The following HSD17B3 variants were observed in gnomAD, a reference collection of about 807,000 sequenced individuals.
The protein encoded by HSD17B3 is hydroxysteroid 17-beta dehydrogenase 3.
Under a neutral mutation model 41.1 loss-of-function variants are expected in HSD17B3, and 29 were observed. The observed-to-expected ratio is 0.71, with a 90% CI of 0.53 to 0.96. The LOEUF (loss-of-function observed/expected upper bound fraction) is 0.96, where lower values mean the gene tolerates loss of function less well. Ranked by LOEUF, HSD17B3 falls within the 40% of genes least tolerant of loss-of-function variation. The pLI, the probability that HSD17B3 is intolerant of heterozygous loss-of-function variation, is 0.00. For missense variants in HSD17B3, 323 were observed against 374.6 expected, an observed-to-expected ratio of 0.86 and a Z score of 1.14; for synonymous variants, 126 against 145.6, an observed-to-expected ratio of 0.87 and a Z score of 0.97.
At chr9:96,244,141 G>A in intron 9 of HSD17B3, 188 bp downstream of exon 9, 1 of 683,072 alleles carries the variant, frequency 1.5e-6, no homozygotes, top group Middle Eastern at 3.1e-4. Flanking sequence ...AGCAGCAGGT[G>A]GGACTGAGGC....
intron 1 of HSD17B3, among the ~76,000 whole-genome samples, chr9:96,301,384 C>CT (rs1827595328): frequency 7.5e-6 from 1 of 134,034 alleles, no homozygotes; most frequent in South Asian, 2.4e-4. Context: ...TGAGACCAGC[C>CT]TAGCCAACAG....
At chr9:96,271,104 T>C (rs1464897584) in intron 2 of HSD17B3, among the ~76,000 whole-genome samples, 1 of 152,074 alleles carries the variant, frequency 6.6e-6, no homozygotes, top group Non-Finnish European at 1.5e-5. Context: ...AAGAGGCAAC[T>C]TACAAAATTA....
intron 2 of HSD17B3, among the ~76,000 whole-genome samples, chr9:96,260,138 T>A (rs558043576): frequency 1.3e-5 from 2 of 152,294 alleles, no homozygotes; most frequent in African/African-American, 4.8e-5. Context: ...TTAAGAACAT[T>A]TACATCTGTT....
chr9:96,261,016 T>A (rs1158903005), intron 2 of HSD17B3, among the ~76,000 whole-genome samples: 3 of 152,198 alleles, frequency 2.0e-5, no homozygotes, highest in Admixed American at 1.3e-4. Context: ...TCTCCTTTTT[T>A]GCCTGAATTA....
intron 2 of HSD17B3, among the ~76,000 whole-genome samples, chr9:96,270,411 G>C (rs1039704117): frequency 2.0e-5 from 3 of 152,186 alleles, no homozygotes; most frequent in Admixed American, 6.6e-5. Context: ...CAAATCTAGA[G>C]GAACATAAAA....
intron 2 of HSD17B3, among the ~76,000 whole-genome samples, chr9:96,267,149 A>G (rs280654): frequency 0.46 from 66,402 of 143,812 alleles, 15,631 homozygotes; most frequent in African/African-American, 0.63. Context: ...CGCCAGGCAA[A>G]AGACAACATT....
At chr9:96,278,670 C>T (rs1826567009) in intron 2 of HSD17B3, among the ~76,000 whole-genome samples, 2 of 152,132 alleles carry the variant, frequency 1.3e-5, no homozygotes, top group Admixed American at 6.5e-5. Flanking sequence ...TGATGGGAAC[C>T]ATGAATTTGA....
intron 1 of HSD17B3, among the ~76,000 whole-genome samples, chr9:96,299,066 T>C (rs1031257529): frequency 1.3e-5 from 2 of 152,238 alleles, no homozygotes; most frequent in Non-Finnish European, 2.9e-5. Flanking sequence ...TATCTGTTAA[T>C]ATACAACAGT....
At chr9:96,293,973 T>C (rs1827255847) in intron 2 of HSD17B3, among the ~76,000 whole-genome samples, 1 of 152,158 alleles carries the variant, frequency 6.6e-6, no homozygotes, top group Admixed American at 6.6e-5. Flanking sequence ...CTCAGGCTTT[T>C]ACCCATTACA....
intron 6 of HSD17B3, 187 bp downstream of exon 6, chr9:96,249,564 C>T: frequency 1.6e-6 from 1 of 637,936 alleles, no homozygotes; most frequent in Non-Finnish European, 2.8e-6. Context: ...AGAGTTGAAT[C>T]CATTACTGTA....
intron 1 of HSD17B3, among the ~76,000 whole-genome samples, 199 bp downstream of exon 1, chr9:96,301,752 G>T (rs1342839842): frequency 6.6e-6 from 1 of 151,250 alleles, no homozygotes; most frequent in Non-Finnish European, 1.5e-5. Context: ...GTGGTGACAG[G>T]CGCCTATAAT....
At chr9:96,294,718 A>C (rs758945710) in intron 2 of HSD17B3, among the ~76,000 whole-genome samples, 3 of 152,224 alleles carry the variant, frequency 2.0e-5, no homozygotes, top group Non-Finnish European at 4.4e-5. Flanking sequence ...AAGGTTATAT[A>C]GTTTTAATGC....
At chr9:96,242,152 A>G (rs575681524) in intron 9 of HSD17B3, among the ~76,000 whole-genome samples, 1 of 152,282 alleles carries the variant, frequency 6.6e-6, no homozygotes, top group East Asian at 1.9e-4. Context: ...GCAGGTTCCT[A>G]TGGAAATTAA....
intron 10 of HSD17B3, among the ~76,000 whole-genome samples, chr9:96,237,647 C>A (rs1836284295): frequency 6.6e-6 from 1 of 152,224 alleles, no homozygotes; most frequent in African/African-American, 2.4e-5. Flanking sequence ...ATGGTTGCCT[C>A]TCTCTTTAGA....
intron 4 of HSD17B3, 147 bp downstream of exon 4, chr9:96,252,656 T>A (rs1587729282): frequency 5.9e-6 from 4 of 677,450 alleles, no homozygotes; most frequent in Non-Finnish European, 1.1e-5. Context: ...AGAAGAAGTG[T>A]GCTTTGATAT....
chr9:96,296,261 G>A (rs1334697269), intron 2 of HSD17B3, among the ~76,000 whole-genome samples: 1 of 152,050 alleles, frequency 6.6e-6, no homozygotes, highest in Non-Finnish European at 1.5e-5. Flanking sequence ...AGTAAAAGAA[G>A]AAGAAACATC....
At chr9:96,243,931 T>C (rs1246357757) in intron 9 of HSD17B3, among the ~76,000 whole-genome samples, 1 of 152,204 alleles carries the variant, frequency 6.6e-6, no homozygotes, top group African/African-American at 2.4e-5. Context: ...TTTTGTTTTG[T>C]TTGCTTCTTC....
intron 2 of HSD17B3, among the ~76,000 whole-genome samples, chr9:96,278,028 A>G (rs966297375): frequency 2.0e-5 from 3 of 152,216 alleles, no homozygotes; most frequent in African/African-American, 2.4e-5. Flanking sequence ...TGTGGAATCT[A>G]AAACAGTCAA....
chr9:96,267,505 GCTACTAC>G (rs1377730039), intron 2 of HSD17B3, among the ~76,000 whole-genome samples: 5 of 152,004 alleles, frequency 3.3e-5, no homozygotes, highest in African/African-American at 1.2e-4. Flanking sequence ...AATTAGAGAA[GCTACTAC>G]GTCTATGAAA....
Sources: gnomAD v4.1 joint callset for allele counts (sites outside exome capture counted in the v4.1 genomes callset) on GRCh38, gnomAD v4.1.1 for gene constraint, MANE v1.5 for transcripts, NCBI Gene and HGNC (gene_info 2026-07-23, HGNC 2026-07-21) for gene names.